CCNH: variants seen among roughly 807,000 people sequenced by gnomAD.
CCNH encodes the protein cyclin H, also known as cyclin-H.
A neutral mutation model predicts 41.9 loss-of-function variants in CCNH; 31 were observed. The observed-to-expected ratio is 0.74, with a 90% CI of 0.56 to 1.00. The LOEUF (loss-of-function observed/expected upper bound fraction) is 1.00, where lower values mean the gene tolerates loss of function less well. Among genes scored for constraint, CCNH ranks in the 50% least tolerant of loss-of-function variants. CCNH has a pLI of 0.00. For synonymous variants in CCNH, 138 were observed against 136.1 expected (o/e 1.01, Z -0.10); for missense variants, 362 against 388.4 (o/e 0.93, Z 0.57).
intron 7 of CCNH, among the ~76,000 whole-genome samples, chr5:87,398,806 T>C (rs1341067047): frequency 6.6e-6 from 1 of 151,966 alleles, no homozygotes; most frequent in Non-Finnish European, 1.5e-5. Context: ...ACCCCGTCTC[T>C]ACTAAAAATA....
intron 9 of CCNH, chr5:87,331,561 A>AT (rs1757601652): frequency 3.2e-6 from 5 of 1,548,106 alleles, no homozygotes; most frequent in African/African-American, 1.4e-5. Context: ...AATATTCATA[A>AT]ATATACCTGT....
chr5:87,350,859 A>G (rs1284604526), intron 9 of CCNH, among the ~76,000 whole-genome samples: 1 of 151,726 alleles, frequency 6.6e-6, no homozygotes, highest in Non-Finnish European at 1.5e-5. Context: ...AACTTCTTTA[A>G]AAAGCCCCAA....
At chr5:87,342,646 G>A (rs889315875) in intron 9 of CCNH, among the ~76,000 whole-genome samples, 3 of 152,148 alleles carry the variant, frequency 2.0e-5, no homozygotes, top group East Asian at 1.9e-4. Context: ...AACACTGTAC[G>A]TGTGGTAATA....
At chr5:87,365,143 A>G (rs1252407985) in intron 9 of CCNH, among the ~76,000 whole-genome samples, 1 of 152,212 alleles carries the variant, frequency 6.6e-6, no homozygotes, top group Non-Finnish European at 1.5e-5. Context: ...TCAGTTGGAT[A>G]GTTGAGCAGA....
At position 87,409,358 on chromosome 5, in the gene CCNH, C is replaced by T. The variant is rs201989229; in HGVS notation, c.246G>A (p.Thr82=). 28 of 1,554,070 alleles carry T rather than the reference C, an allele frequency of 1.8e-5. No homozygotes were observed. The East Asian group carries it at 3.8e-4, about 21-fold the overall frequency. ...KPAMPRSVVG[T]ACMYFKRFYL... ...AAAAACGTTTGAAATACATACAAGCCGTACCCTAAGGGTTAAAAAAAATAT... is the reference window on the plus strand; with the variant it reads ...AAAAACGTTTGAAATACATACAAGCTGTACCCTAAGGGTTAAAAAAAATAT... Residue 82 remains threonine (T), a synonymous_variant, in exon 3 of 9, where the codon ACG becomes ACA. Coordinates refer to ENST00000256897, the MANE Select transcript of CCNH (RefSeq NM_001239.4).
chr5:87,408,092 C>T lies in CCNH; in HGVS notation c.409G>A (p.Glu137Lys). The T allele has an allele frequency of 6.2e-7, 1 of 1,613,400 alleles. No individual in the cohort carries two copies. The highest frequency in any genetic ancestry group is 8.5e-7 in the Non-Finnish European group (1 of 1,179,408). ...GNLRESPLGQ[E>K]KALEQILEYE... ...TCCAGTATCTGTTCAAGTGCCTTCT[C>T]CTGTCCAAGAGGACTCTCCCGGAGG... Residue 137 changes from glutamate (E) to lysine (K), a missense_variant, in exon 4 of 9, where the codon GAG becomes AAG. By Grantham distance (56) the Glu-to-Lys change is moderately conservative. Transcript: ENST00000256897.
intron 9 of CCNH, among the ~76,000 whole-genome samples, chr5:87,345,531 G>A (rs896467518): frequency 2.0e-5 from 3 of 152,072 alleles, no homozygotes; most frequent in Non-Finnish European, 4.4e-5. Context: ...AACTGTTTTA[G>A]TTGTTGTATT....
intron 4 of CCNH, among the ~76,000 whole-genome samples, chr5:87,406,266 T>G (rs900300044): frequency 6.6e-6 from 1 of 152,124 alleles, no homozygotes; most frequent in Non-Finnish European, 1.5e-5. Context: ...GCCAACCCCC[T>G]TCCATCTTAC....
At chr5:87,339,942 GA>G (rs1758316162) in intron 9 of CCNH, among the ~76,000 whole-genome samples, 1 of 152,028 alleles carries the variant, frequency 6.6e-6, no homozygotes, top group South Asian at 2.1e-4. Flanking sequence ...TAGATTTAAG[GA>G]ATTTCTCCTT....
downstream of CCNH, among the ~76,000 whole-genome samples, chr5:87,388,868 T>C (rs559876163): frequency 6.6e-6 from 1 of 152,298 alleles, no homozygotes; most frequent in African/African-American, 2.4e-5. Context: ...ACCTACACTA[T>C]TTGGCATATG....
chr5:87,376,907 A>C lies in CCNH; in HGVS notation n.274T>G, dbSNP rs997060149. 3.1e-6 allele frequency: 5 copies of C among 1,609,480 alleles called. No homozygotes were observed. The African/African-American group carries it at 6.7e-5, about 22-fold the overall frequency. ...TTATACTGCAAAAGGAACTTCATGT[A>C]GTCTATGCTTTATCACATGTATGTG... On this transcript the variant is annotated non_coding_transcript_exon_variant, in exon 1 of 1. Transcript: ENST00000607486.
downstream of CCNH, chr5:87,375,048 C>A: frequency 1.6e-6 from 2 of 1,213,328 alleles, no homozygotes; most frequent in Non-Finnish European, 2.2e-6. Context: ...TAGTTTCTTT[C>A]TGTACTTCTT....
intron 9 of CCNH, among the ~76,000 whole-genome samples, chr5:87,367,732 A>G (rs1760630080): frequency 6.6e-6 from 1 of 152,184 alleles, no homozygotes; most frequent in South Asian, 2.1e-4. Flanking sequence ...TTATTGCTTT[A>G]CATTTATTTA....
chr5:87,387,264 G>A (rs1762125744), downstream of CCNH, among the ~76,000 whole-genome samples: 1 of 152,066 alleles, frequency 6.6e-6, no homozygotes, highest in Non-Finnish European at 1.5e-5. Flanking sequence ...GGGGCGTGAA[G>A]CAAGACGATG....
intron 9 of CCNH, among the ~76,000 whole-genome samples, chr5:87,384,601 A>G: frequency 6.6e-6 from 1 of 152,130 alleles, no homozygotes; most frequent in East Asian, 1.9e-4. Flanking sequence ...GGAGAGATTT[A>G]TCTGGATGTT....
At chr5:87,325,317 A>T (rs1300710542) in intron 9 of CCNH, among the ~76,000 whole-genome samples, 1 of 152,236 alleles carries the variant, frequency 6.6e-6, no homozygotes, top group Non-Finnish European at 1.5e-5. Context: ...TGGAAACTAC[A>T]ATTCAAGATG....
At chr5:87,370,593 T>A (rs1274887349) in intron 9 of CCNH, among the ~76,000 whole-genome samples, 2 of 152,138 alleles carry the variant, frequency 1.3e-5, no homozygotes, top group African/African-American at 4.8e-5. Context: ...GCACAGGAGT[T>A]TGAGTTACAG....
In CCNH at chr5:87,411,302, C is replaced by T. The variant is rs780679974; in HGVS notation, c.162G>A (p.Met54Ile). ...TTTTCTCATAGTATTTGCAGAGTGT[C>T]ATTTCTTCATGAGGCTCAAGAAAGA... The part of the protein sequence containing the change: ...DPVFLEPHEE[M>I]TLCKYYEKRL... Residue 54 changes from methionine (M) to isoleucine (I), a missense_variant, in exon 2 of 9, where the codon ATG becomes ATA. Transcript: ENST00000256897. 6.2e-7 allele frequency: 1 copy of T among 1,612,320 alleles called. No individual in the cohort carries two copies. The highest frequency in any genetic ancestry group is 8.5e-7 in the Non-Finnish European group (1 of 1,179,220).
chr5:87,322,418 C>G (rs1756893588), intron 9 of CCNH, among the ~76,000 whole-genome samples: 1 of 152,198 alleles, frequency 6.6e-6, no homozygotes, highest in Admixed American at 6.5e-5. Context: ...TGAGCTGAAA[C>G]AGTTTCATCC....
Sources: gnomAD v4.1 joint callset for allele counts (sites outside exome capture counted in the v4.1 genomes callset) on GRCh38, gnomAD v4.1.1 for gene constraint, MANE v1.5 for transcripts, NCBI Gene and HGNC (gene_info 2026-07-23, HGNC 2026-07-21) for gene names.